SFMBT2: variants seen among roughly 807,000 people sequenced by gnomAD.
The protein encoded by SFMBT2 is scm-like with four MBT domains protein 2.
Under a neutral mutation model 110.1 loss-of-function variants are expected in SFMBT2, and 38 were observed. The ratio of observed to expected loss-of-function variants is 0.35; its 90% CI spans 0.27 to 0.45. SFMBT2 has a LOEUF of 0.45. SFMBT2 is among the 20% of genes least tolerant of loss of function. The pLI is 1.00. For missense variants in SFMBT2, 1,011 were observed against 1,094.9 expected (o/e 0.92, Z 1.08); for synonymous variants, 425 against 425.4 (o/e 1.00, Z 0.01).
At chr10:7,279,105 G>GA (rs1015742440) in intron 6 of SFMBT2, among the ~76,000 whole-genome samples, 66 of 145,728 alleles carry the variant, frequency 4.5e-4, no homozygotes, top group African/African-American at 9.0e-4. Flanking sequence ...AAACAAACAA[G>GA]AAAAAAAAAA....
intron 4 of SFMBT2, chr10:7,320,498 C>G: frequency 1.5e-6 from 1 of 685,482 alleles, no homozygotes; most frequent in Non-Finnish European, 1.8e-6. Context: ...CTATTTTTTT[C>G]CTGGAGAATC....
intron 1 of SFMBT2, among the ~76,000 whole-genome samples, chr10:7,385,465 G>T (rs1342706986): frequency 6.6e-6 from 1 of 152,166 alleles, no homozygotes; most frequent in Non-Finnish European, 1.5e-5. Flanking sequence ...AAAAAGGTAG[G>T]AACTGAAACA....
At chr10:7,308,491 G>A (rs1842758380) in intron 4 of SFMBT2, among the ~76,000 whole-genome samples, 1 of 152,148 alleles carries the variant, frequency 6.6e-6, no homozygotes, top group African/African-American at 2.4e-5. Flanking sequence ...TTGATGGAGA[G>A]AAATATAAGG....
chr10:7,164,728 C>A (rs1406040715), intron 20 of SFMBT2, among the ~76,000 whole-genome samples: 1 of 149,948 alleles, frequency 6.7e-6, no homozygotes, highest in Non-Finnish European at 1.5e-5. Context: ...AACGACAGCA[C>A]AGGTTTCCAT....
intron 9 of SFMBT2, among the ~76,000 whole-genome samples, chr10:7,228,742 C>CTTTCCTT: frequency 2.7e-5 from 1 of 36,964 alleles, no homozygotes; most frequent in Admixed American, 2.7e-4. Context: ...TTTCCTTTCT[C>CTTTCCTT]TCTCTCTCTC....
At chr10:7,383,778 G>A (rs11591956) in intron 1 of SFMBT2, among the ~76,000 whole-genome samples, 3,025 of 152,264 alleles carry the variant, frequency 0.02, 39 homozygotes, top group Middle Eastern at 0.031. Flanking sequence ...AGACAAAAAT[G>A]AGGGCACAAG....
chr10:7,313,389 C>T (rs1842907892), intron 4 of SFMBT2, among the ~76,000 whole-genome samples: 1 of 152,192 alleles, frequency 6.6e-6, no homozygotes, highest in Admixed American at 6.5e-5. Context: ...ACGATTGCAG[C>T]TCACTGCAGC....
chr10:7,244,337 CT>C (rs200250545), intron 8 of SFMBT2: 3,412 of 193,416 alleles, frequency 0.018, 50 homozygotes, highest in Non-Finnish European at 0.022. Flanking sequence ...ACCGCCCTCA[CT>C]CTGCGCTCCT....
At chr10:7,328,008 G>C (rs1051859776) in intron 4 of SFMBT2, among the ~76,000 whole-genome samples, 1 of 152,186 alleles carries the variant, frequency 6.6e-6, no homozygotes, top group Admixed American at 6.5e-5. Context: ...GGGTTGTATG[G>C]TGGGTGTATG....
intron 11 of SFMBT2, among the ~76,000 whole-genome samples, chr10:7,208,982 A>T (rs917315631): frequency 1.3e-5 from 2 of 152,166 alleles, no homozygotes; most frequent in African/African-American, 4.8e-5. Context: ...AATATATCCC[A>T]TTAAGGCATC....
At chr10:7,362,393 C>T (rs1359753645) in intron 4 of SFMBT2, among the ~76,000 whole-genome samples, 1 of 152,172 alleles carries the variant, frequency 6.6e-6, no homozygotes, top group Non-Finnish European at 1.5e-5. Flanking sequence ...TAATTCACAG[C>T]TTACATTAAT....
intron 4 of SFMBT2, among the ~76,000 whole-genome samples, chr10:7,320,026 AAGAG>A (rs774684082): frequency 2.0e-4 from 29 of 143,744 alleles, no homozygotes; most frequent in Admixed American, 3.5e-4. Flanking sequence ...GAGAGACAGA[AAGAG>A]AAAGAGAGAG....
chr10:7,269,041 G>A (rs1841486521), intron 7 of SFMBT2, among the ~76,000 whole-genome samples: 1 of 71,024 alleles, frequency 1.4e-5, no homozygotes, highest in South Asian at 5.9e-4. Context: ...AACAGGGTTC[G>A]TCTTCAAGAA....
chr10:7,267,338 T>C (rs548343280), intron 7 of SFMBT2, among the ~76,000 whole-genome samples: 2 of 152,308 alleles, frequency 1.3e-5, no homozygotes, highest in African/African-American at 4.8e-5. Context: ...TGTGAGTCCT[T>C]TCAGTAAATT....
At position 7,367,692 on chromosome 10, in the gene SFMBT2, C is replaced by G; in HGVS notation, c.393G>C (p.Val131=). ...CDVVIADLHP[V]GWCTQNNKVL... Reference sequence around the variant, plus strand: ...CCTTGTTGTTCTGTGTGCACCACCCCACGGGGTGCAAATCCGCGATGACTA... The same window carrying G: ...CCTTGTTGTTCTGTGTGCACCACCCGACGGGGTGCAAATCCGCGATGACTA... Residue 131 remains valine (V), a synonymous_variant, in exon 4 of 21, where the codon GTG becomes GTC. Transcript: ENST00000397167. This position sits in a 1 kb window ranked among gnomAD's most constrained non-coding sequence, Gnocchi z 6.2. 2 of 1,613,814 alleles carry G rather than the reference C, an allele frequency of 1.2e-6. No homozygotes were observed. The highest frequency in any genetic ancestry group is 1.7e-6 in the Non-Finnish European group (2 of 1,180,040).
At chr10:7,287,002 T>C (rs1011034435) in intron 4 of SFMBT2, among the ~76,000 whole-genome samples, 1 of 150,690 alleles carries the variant, frequency 6.6e-6, no homozygotes, top group Non-Finnish European at 1.5e-5. Context: ...GTTTCAGTTA[T>C]CCAAGTAGAA....
In SFMBT2 at chr10:7,227,835, G is replaced by A. The variant is rs1048451238; in HGVS notation, c.1203+20C>T. 5 of 1,591,680 alleles carry A rather than the reference G, an allele frequency of 3.1e-6. No individual in the cohort carries two copies. In the Admixed American group the frequency reaches 9.1e-5, roughly 29 times the overall value. On this transcript the variant is annotated intron_variant, in intron 10 of 20. Transcript: ENST00000397167. ...AAAATCTATGATTTTTAAAAATTAG[G>A]TAAGAGAGAAGCTTCTTACATTTCG...
chr10:7,336,389 C>T (rs1843717955), intron 4 of SFMBT2, among the ~76,000 whole-genome samples: 1 of 152,180 alleles, frequency 6.6e-6, no homozygotes, highest in Non-Finnish European at 1.5e-5. Context: ...GCCACACCAC[C>T]AAACTTCAAG....
intron 7 of SFMBT2, among the ~76,000 whole-genome samples, chr10:7,262,280 C>T (rs570583064): frequency 2.0e-4 from 30 of 152,154 alleles, no homozygotes; most frequent in African/African-American, 7.2e-4. Context: ...ACAATTTTAC[C>T]GTGGCTTAAA....
Sources: allele counts gnomAD v4.1 joint callset (sites outside exome capture counted in the v4.1 genomes callset), GRCh38; gene constraint gnomAD v4.1.1; non-coding constraint Gnocchi (gnomAD v3.1); transcripts MANE v1.5; gene names NCBI Gene and HGNC (gene_info 2026-07-23, HGNC 2026-07-21).